Variants in RTL9 observed in about 807,000 individuals in gnomAD.
The protein encoded by RTL9 is retrotransposon Gag-like protein 9.
Under a neutral mutation model 44.7 loss-of-function variants are expected in RTL9, and 19 were observed. That is an observed-to-expected ratio of 0.42 (90% CI 0.30 to 0.62). The LOEUF (loss-of-function observed/expected upper bound fraction) is 0.62. Ranked by LOEUF, RTL9 falls within the 20% of genes least tolerant of loss-of-function variation. The pLI, the probability that RTL9 is intolerant of heterozygous loss-of-function variation, is 0.16. For synonymous variants in RTL9, 407 were observed against 398.9 expected, an observed-to-expected ratio of 1.02 and a Z score of -0.24; for missense variants, 1,105 against 1,080.6, an observed-to-expected ratio of 1.02 and a Z score of -0.32.
At chrX:110,453,148 C>A (rs2068956331) in exon 1 of RTL9, 1 of 1,209,598 alleles carries the variant, frequency 8.3e-7, no homozygotes, top group Admixed American at 2.2e-5. Flanking sequence ...ATCTCTGGAG[C>A]AATGTCCATG....
chrX:110,378,983 C>T (rs1052722699), intron 1 of RTL9, among the ~76,000 whole-genome samples: 1 of 111,973 alleles, frequency 8.9e-6, no homozygotes, highest in African/African-American at 3.3e-5. Flanking sequence ...TTAACCTCTC[C>T]TAACAGCAAG....
At chrX:110,361,524 T>C (rs919253547) in intron 1 of RTL9, among the ~76,000 whole-genome samples, 75 of 111,476 alleles carry the variant, frequency 6.7e-4, no homozygotes, top group African/African-American at 2.4e-3. Flanking sequence ...TGGCTTCCCA[T>C]CTGACACTCA....
chrX:110,400,219 A>G (rs900310474), intron 1 of RTL9, among the ~76,000 whole-genome samples: 1 of 105,639 alleles, frequency 9.5e-6, no homozygotes, highest in Non-Finnish European at 1.9e-5. Context: ...CACTGAGTAG[A>G]TATCTTGTAT....
chrX:110,367,866 T>A (rs762950004), intron 1 of RTL9, among the ~76,000 whole-genome samples: 67 of 109,552 alleles, frequency 6.1e-4, no homozygotes, highest in African/African-American at 2.0e-3. Context: ...TGGAATGGAG[T>A]GGCACAATCA....
chrX:110,419,520 A>G (rs1438446412), intron 1 of RTL9, among the ~76,000 whole-genome samples: 1 of 112,542 alleles, frequency 8.9e-6, no homozygotes, highest in East Asian at 2.8e-4. Flanking sequence ...TATTTATGGT[A>G]TGTCTCTCCC....
intron 1 of RTL9, among the ~76,000 whole-genome samples, chrX:110,379,134 C>A (rs2068400606): frequency 8.9e-6 from 1 of 111,779 alleles, no homozygotes; most frequent in Non-Finnish European, 1.9e-5. Flanking sequence ...CATACCACCC[C>A]CATCTGCTTT....
At chrX:110,430,482 T>C (rs766339422) in intron 1 of RTL9, among the ~76,000 whole-genome samples, 1 of 111,911 alleles carries the variant, frequency 8.9e-6, no homozygotes, top group Non-Finnish European at 1.9e-5. Context: ...CAAGGTCACA[T>C]AGCTAGTGAA....
chrX:110,403,254 A>G (rs892428941), intron 1 of RTL9, among the ~76,000 whole-genome samples: 11 of 112,216 alleles, frequency 9.8e-5, no homozygotes, highest in African/African-American at 3.6e-4. Flanking sequence ...TTATTCTACA[A>G]AATTTGTGGG....
intron 1 of RTL9, among the ~76,000 whole-genome samples, chrX:110,436,500 T>C (rs2068839442): frequency 8.9e-6 from 1 of 112,103 alleles, no homozygotes; most frequent in Non-Finnish European, 1.9e-5. Flanking sequence ...TTTGACAGGA[T>C]ATAGGCTTGT....
At position 110,372,679 on chromosome X, in the gene RTL9, A is replaced by G. The variant is rs188130328; in HGVS notation, c.-168+13763A>G. ...TATTTTCACTGTTAAAAGCAACACA[A>G]CTTAAAACACAGAGACATACTGGAT... On this transcript the variant is annotated intron_variant, in intron 1 of 2. Transcript: ENST00000520821. 8.9e-5 allele frequency among the ~76,000 whole-genome samples: 10 copies of G among 112,152 alleles called. No individual in the cohort carries two copies. In the Admixed American group the frequency reaches 9.5e-4, roughly 11 times the overall value.
intron 1 of RTL9, among the ~76,000 whole-genome samples, chrX:110,401,552 C>T (rs749590613): frequency 1.8e-5 from 2 of 111,681 alleles, no homozygotes; most frequent in Admixed American, 9.4e-5. Flanking sequence ...GTAGCTCCCA[C>T]GGGAGGCATG....
chrX:110,381,814 C>CA (rs760180664), intron 1 of RTL9, among the ~76,000 whole-genome samples: 171 of 107,449 alleles, frequency 1.6e-3, no homozygotes, highest in Middle Eastern at 9.8e-3. Flanking sequence ...CAAATTAATG[C>CA]AAAAAAAAAT....
chrX:110,425,607 A>G lies in RTL9; in HGVS notation c.-168+6472A>G, dbSNP rs562777778. On this transcript the variant is annotated intron_variant, in intron 1 of 3. Transcript: ENST00000465301. ...ATACAACAACAATAATAGTTGCCCTATAGTGAGTACTTACTATGGGCCAGG... is the reference window on the plus strand; with the variant it reads ...ATACAACAACAATAATAGTTGCCCTGTAGTGAGTACTTACTATGGGCCAGG... 2.2e-4 allele frequency among the ~76,000 whole-genome samples: 25 copies of G among 113,172 alleles called. No homozygotes were observed. In the South Asian group the frequency reaches 7.2e-3, roughly 33 times the overall value.
intron 1 of RTL9, among the ~76,000 whole-genome samples, chrX:110,374,954 T>C (rs766307316): frequency 9.0e-6 from 1 of 110,953 alleles, no homozygotes; most frequent in Non-Finnish European, 1.9e-5. Context: ...TAAAGGAAAT[T>C]ATATGTTTTC....
intron 1 of RTL9, among the ~76,000 whole-genome samples, chrX:110,439,077 AG>A (rs1295986672): frequency 1.8e-5 from 2 of 111,596 alleles, no homozygotes; most frequent in Non-Finnish European, 3.8e-5. Context: ...GGAAGAGGGT[AG>A]GTAGCAGGGC....
At chrX:110,382,854 G>A (rs958431706) in intron 1 of RTL9, among the ~76,000 whole-genome samples, 2 of 111,492 alleles carry the variant, frequency 1.8e-5, no homozygotes, top group African/African-American at 3.3e-5. Context: ...CCTCTAATTC[G>A]TTTCTTCCTC....
At chrX:110,442,221 T>TTCTCTCTCTCTCTCTC (rs781098261) in intron 1 of RTL9, among the ~76,000 whole-genome samples, 6 of 72,780 alleles carry the variant, frequency 8.2e-5, no homozygotes, top group African/African-American at 3.3e-4. Flanking sequence ...ATCGAAGTCT[T>TTCTCTCTCTCTCTCTC]TCTCTCTCTC....
chrX:110,404,021 A>G (rs1364840276), intron 1 of RTL9, among the ~76,000 whole-genome samples: 1 of 112,484 alleles, frequency 8.9e-6, no homozygotes, highest in Non-Finnish European at 1.9e-5. Context: ...ATGGGGTGGA[A>G]GCTCGACTAA....
intron 1 of RTL9, among the ~76,000 whole-genome samples, chrX:110,408,333 G>GC (rs1263782334): frequency 8.9e-6 from 1 of 111,835 alleles, no homozygotes. Flanking sequence ...AGACAATACT[G>GC]CCCCCTAGGG....
Sources: gnomAD v4.1 joint callset for allele counts (sites outside exome capture counted in the v4.1 genomes callset) on GRCh38, gnomAD v4.1.1 for gene constraint, MANE v1.5 for transcripts, NCBI Gene and HGNC (gene_info 2026-07-23, HGNC 2026-07-21) for gene names.